The following MEF2C variants were observed in gnomAD, a reference collection of about 807,000 sequenced individuals.
The protein encoded by MEF2C is myocyte-specific enhancer factor 2C.
In MEF2C, 6 loss-of-function variants were observed where a neutral mutation model predicts 50.5. The observed-to-expected ratio is 0.12, with a 90% CI of 0.07 to 0.23. MEF2C has a LOEUF of 0.23. MEF2C is among the 10% of genes least tolerant of loss of function. The pLI, the probability that MEF2C is intolerant of heterozygous loss-of-function variation, is 1.00. For missense variants in MEF2C, 276 were observed against 605.0 expected (o/e 0.46, Z 5.70); for synonymous variants, 183 against 228.0 (o/e 0.80, Z 1.78).
At chr5:88,892,637 C>T (rs971172702) in intron 1 of MEF2C, among the ~76,000 whole-genome samples, 4 of 152,150 alleles carry the variant, frequency 2.6e-5, no homozygotes, top group Non-Finnish European at 4.4e-5. Context: ...CCTTATTTCC[C>T]TTTCACTGAC....
At chr5:88,890,350 T>TA (rs1199807496) in intron 1 of MEF2C, among the ~76,000 whole-genome samples, 1 of 152,234 alleles carries the variant, frequency 6.6e-6, no homozygotes, top group Non-Finnish European at 1.5e-5. Flanking sequence ...TAAATGCAGA[T>TA]ATCTGTGCTG....
rs35382083 is a variant in MEF2C, at chr5:88,843,805, C to CT, written c.-142-19876dup. The stretch of plus-strand genomic sequence containing the variant: ...TGTTTGATTGTTTGTTCCTGTGAAA[C>CT]TTTTTTTTTTTTTTTTTTTGAGACG... On this transcript the variant is annotated intron_variant, in intron 1 of 10. Coordinates refer to ENST00000504921, the MANE Select transcript of MEF2C (RefSeq NM_002397.5). Among the ~76,000 whole-genome samples, 495 of 129,852 alleles carry CT rather than the reference C, an allele frequency of 3.8e-3. 1 individual carries two copies. Among genetic ancestry groups the CT allele is most frequent in the African/African-American group, 7.2e-3 (254 of 35,082 alleles). The allele number at this position is 129,852 out of a possible 152,430, so 85.2% of individuals were successfully genotyped here. A position where few individuals can be genotyped will look rare whatever the true frequency, so the allele number is the denominator to read the frequency against.
chr5:88,890,319 G>A (rs1834401337), intron 1 of MEF2C, among the ~76,000 whole-genome samples: 1 of 152,240 alleles, frequency 6.6e-6, no homozygotes, highest in African/African-American at 2.4e-5. Flanking sequence ...GTTCTGGGAT[G>A]TCTTACAAAA....
chr5:88,861,243 T>C (rs896682407), intron 1 of MEF2C, among the ~76,000 whole-genome samples: 2 of 152,232 alleles, frequency 1.3e-5, no homozygotes, highest in African/African-American at 4.8e-5. Context: ...TGACTATACA[T>C]TTCAATCACT....
intron 6 of MEF2C, chr5:88,734,416 C>T (rs774017526): frequency 1.4e-5 from 14 of 985,108 alleles, no homozygotes; most frequent in Admixed American, 6.2e-5. Context: ...AACCCCAGCT[C>T]GGTAGATGCC....
chr5:88,728,359 G>T, intron 10 of MEF2C, 134 bp downstream of exon 10: 1 of 725,890 alleles, frequency 1.4e-6, no homozygotes, highest in Non-Finnish European at 1.9e-6. Flanking sequence ...GTATTGATCT[G>T]AAAATTACAC....
intron 10 of MEF2C, among the ~76,000 whole-genome samples, chr5:88,724,962 TG>T (rs1195207850): frequency 6.6e-6 from 1 of 152,116 alleles, no homozygotes; most frequent in African/African-American, 2.4e-5. Flanking sequence ...GCTTGCTCTT[TG>T]ACATACAGAT....
chr5:88,760,397 C>T (rs975820666), intron 4 of MEF2C, among the ~76,000 whole-genome samples: 2 of 152,182 alleles, frequency 1.3e-5, no homozygotes, highest in Non-Finnish European at 2.9e-5. Context: ...TTTAAAATCA[C>T]CCCAGCACAC....
intron 3 of MEF2C, among the ~76,000 whole-genome samples, chr5:88,782,955 C>A (rs1788890619): frequency 6.6e-6 from 1 of 152,064 alleles, no homozygotes; most frequent in Non-Finnish European, 1.5e-5. Flanking sequence ...TGTGAATATT[C>A]TCTTCATATC....
intron 3 of MEF2C, chr5:88,771,520 C>T (rs1468157811): frequency 1.0e-5 from 10 of 985,186 alleles, no homozygotes; most frequent in Non-Finnish European, 1.2e-5. Flanking sequence ...GTATGTTATA[C>T]TGTAATTTAT....
upstream of MEF2C, among the ~76,000 whole-genome samples, chr5:88,884,839 A>G (rs77886352): frequency 0.038 from 5,769 of 151,878 alleles, 142 homozygotes; most frequent in Non-Finnish European, 0.051. Context: ...AGGCTACTAG[A>G]GATTGGGCAC....
chr5:88,845,047 G>T (rs1182963862), intron 1 of MEF2C, among the ~76,000 whole-genome samples: 1 of 152,160 alleles, frequency 6.6e-6, no homozygotes, highest in African/African-American at 2.4e-5. Flanking sequence ...CCCATTGATT[G>T]TAAGCAACTT....
intron 1 of MEF2C, chr5:88,889,177 T>G (rs1834268551): frequency 6.6e-6 from 1 of 152,158 alleles, no homozygotes; most frequent in Non-Finnish European, 1.5e-5. Context: ...GAGGGACGCC[T>G]CTAGTTTGAG....
chr5:88,727,252 A>G (rs1187665890), intron 10 of MEF2C, among the ~76,000 whole-genome samples: 5 of 152,176 alleles, frequency 3.3e-5, no homozygotes, highest in African/African-American at 9.6e-5. Flanking sequence ...ATGTATCTTC[A>G]AAGTTAACTA....
chr5:88,809,176 G>A (rs1414115279), intron 2 of MEF2C, among the ~76,000 whole-genome samples: 1 of 152,060 alleles, frequency 6.6e-6, no homozygotes, highest in Non-Finnish European at 1.5e-5. Flanking sequence ...AAATCCTAGA[G>A]TAAGGACAGA....
intron 6 of MEF2C, chr5:88,734,574 T>TTTTTTTG (rs1763219970): frequency 5.6e-6 from 5 of 886,582 alleles, no homozygotes; most frequent in Non-Finnish European, 6.6e-6. Flanking sequence ...TGTTTTTTTT[T>TTTTTTTG]TTTTTTTTTT....
intron 3 of MEF2C, among the ~76,000 whole-genome samples, chr5:88,797,203 C>G (rs1024729582): frequency 1.3e-5 from 2 of 152,098 alleles, no homozygotes; most frequent in South Asian, 2.1e-4. Flanking sequence ...TCTCGCTGTT[C>G]TGTCTAATAT....
At chr5:88,736,892 C>G (rs913371081) in intron 6 of MEF2C, 3 of 985,206 alleles carry the variant, frequency 3.0e-6, no homozygotes, top group Middle Eastern at 1.0e-3. Flanking sequence ...AGTATTGGCT[C>G]TCCTGTTTAA....
chr5:88,740,729 A>G, intron 6 of MEF2C: 1 of 985,212 alleles, frequency 1.0e-6, no homozygotes, highest in Non-Finnish European at 1.2e-6. Flanking sequence ...GATTTACTGA[A>G]GGGATAGTTT....
Sources: allele counts gnomAD v4.1 joint callset (sites outside exome capture counted in the v4.1 genomes callset), GRCh38; gene constraint gnomAD v4.1.1; transcripts MANE v1.5; gene names NCBI Gene and HGNC (gene_info 2026-07-23, HGNC 2026-07-21).